The following IFT57 variants were observed in gnomAD, a reference collection of about 807,000 sequenced individuals.
IFT57 encodes the protein intraflagellar transport 57, also known as intraflagellar transport protein 57 homolog.
Under a neutral mutation model 56.8 loss-of-function variants are expected in IFT57, and 59 were observed. That is an observed-to-expected ratio of 1.04 (90% CI 0.84 to 1.29). The LOEUF is 1.29. Ranked by LOEUF, IFT57 falls within the 50% of genes most tolerant of loss-of-function variation. The pLI, the probability that IFT57 is intolerant of heterozygous loss-of-function variation, is 0.00. For missense variants in IFT57, 470 were observed against 522.1 expected (o/e 0.90, Z 0.97); for synonymous variants, 209 against 186.1 (o/e 1.12, Z -1.00).
chr3:108,192,078 A>C (rs1433997391), intron 5 of IFT57, among the ~76,000 whole-genome samples: 1 of 150,398 alleles, frequency 6.6e-6, no homozygotes, highest in Non-Finnish European at 1.5e-5. Context: ...AGGCTGAGGC[A>C]GGAGAATGGA....
intron 6 of IFT57, among the ~76,000 whole-genome samples, chr3:108,179,944 TG>T (rs2080143480): frequency 6.6e-6 from 1 of 152,040 alleles, no homozygotes; most frequent in Non-Finnish European, 1.5e-5. Flanking sequence ...GTGGTGTATT[TG>T]TTGCAGGCAA....
chr3:108,185,369 C>G (rs995032252), intron 6 of IFT57, among the ~76,000 whole-genome samples: 3 of 152,040 alleles, frequency 2.0e-5, no homozygotes, highest in African/African-American at 4.8e-5. Context: ...GTCAAGATAA[C>G]AGGAGACTCA....
chr3:108,196,255 T>C (rs916049048), intron 5 of IFT57, among the ~76,000 whole-genome samples: 1 of 152,144 alleles, frequency 6.6e-6, no homozygotes, highest in Non-Finnish European at 1.5e-5. Context: ...CAACCCTCAT[T>C]TCCACCCTCA....
intron 7 of IFT57, 105 bp from the exon 8 acceptor site, chr3:108,167,090 C>A (rs2080067537): frequency 1.0e-6 from 1 of 990,736 alleles, no homozygotes; most frequent in East Asian, 2.6e-5. Flanking sequence ...TAATCAACTA[C>A]ATGTGCAAAA....
At chr3:108,193,195 C>A (rs2080225513) in intron 5 of IFT57, among the ~76,000 whole-genome samples, 1 of 152,126 alleles carries the variant, frequency 6.6e-6, no homozygotes, top group Non-Finnish European at 1.5e-5. Flanking sequence ...TCAGATGTAA[C>A]ACTAATCAGA....
chr3:108,175,645 C>A (rs11917750), intron 6 of IFT57, among the ~76,000 whole-genome samples: 13,707 of 151,758 alleles, frequency 0.09, 691 homozygotes, highest in Middle Eastern at 0.12. Context: ...GAGGCATTTT[C>A]TTTGTCTAGA....
intron 3 of IFT57, among the ~76,000 whole-genome samples, chr3:108,215,723 T>TA (rs781614780): frequency 3.9e-5 from 6 of 152,202 alleles, no homozygotes; most frequent in African/African-American, 1.2e-4. Context: ...TTTAGATATA[T>TA]AAAAAATTCA....
chr3:108,180,085 T>A (rs1043995551), intron 6 of IFT57, among the ~76,000 whole-genome samples: 2 of 151,998 alleles, frequency 1.3e-5, no homozygotes, highest in Admixed American at 1.3e-4. Context: ...TGATAATCAC[T>A]GGTATTCTCA....
chr3:108,201,807 T>C (rs2080279517), intron 5 of IFT57, among the ~76,000 whole-genome samples: 2 of 152,200 alleles, frequency 1.3e-5, no homozygotes, highest in Admixed American at 6.5e-5. Flanking sequence ...AAAAGATCCA[T>C]CTTCTTCCTC....
intron 5 of IFT57, among the ~76,000 whole-genome samples, chr3:108,193,504 C>T (rs13319331): frequency 0.097 from 14,660 of 151,804 alleles, 771 homozygotes; most frequent in Middle Eastern, 0.12. Flanking sequence ...ATTTAGAAAA[C>T]CAGAAGTATA....
intron 6 of IFT57, among the ~76,000 whole-genome samples, chr3:108,169,536 T>C (rs544965275): frequency 1.3e-5 from 2 of 152,142 alleles, no homozygotes; most frequent in Non-Finnish European, 2.9e-5. Context: ...TTGCTTTTGG[T>C]GTTTTAGTCA....
Position 108,204,749 on chromosome 3 carries a change from T to C in IFT57, c.654+1879A>G, listed in dbSNP as rs181808509. ...TCTACACCTTGTTCAACTCTTGTTA[T>C]GAGGTAAAGCGGAAAAAGCAATAGA... On this transcript the variant is annotated intron_variant, in intron 5 of 10. Transcript: ENST00000264538. Among the ~76,000 whole-genome samples, 345 of 152,332 alleles carry C rather than the reference T, an allele frequency of 2.3e-3. 2 individuals are homozygous for C. Among genetic ancestry groups the C allele is most frequent in the South Asian group, 0.023 (109 of 4,834 alleles).
rs78098772 is a variant in IFT57, at chr3:108,213,573, T to C, written c.585+358A>G. On this transcript the variant is annotated intron_variant, in intron 4 of 10. Coordinates refer to ENST00000264538, the MANE Select transcript of IFT57 (RefSeq NM_018010.4). ...ATTCCTTAGAAATGAATGGTATGCG[T>C]ATAAAGCAGAATTTATTAATCCTAA... 4.0e-3 allele frequency among the ~76,000 whole-genome samples: 612 copies of C among 152,322 alleles called. 3 individuals are homozygous for C. The highest frequency in any genetic ancestry group is 0.014 in the African/African-American group (577 of 41,576).
chr3:108,171,809 A>G (rs1383486884), intron 6 of IFT57, among the ~76,000 whole-genome samples: 1 of 151,868 alleles, frequency 6.6e-6, no homozygotes, highest in East Asian at 1.9e-4. Context: ...TTTTTGAAAA[A>G]GTACTCATCC....
chr3:108,167,084 C>A (rs2080067479), intron 7 of IFT57, 99 bp from the exon 8 acceptor site: 1 of 1,037,100 alleles, frequency 9.6e-7, no homozygotes, highest in Non-Finnish European at 1.4e-6. Context: ...TACAAATAAT[C>A]AACTACATGT....
At chr3:108,189,827 G>A (rs1006192650) in intron 6 of IFT57, among the ~76,000 whole-genome samples, 1 of 151,970 alleles carries the variant, frequency 6.6e-6, no homozygotes, top group East Asian at 1.9e-4. Context: ...TAAACAACAC[G>A]TATTCCTTAT....
chr3:108,203,111 G>A (rs758802630), intron 5 of IFT57, among the ~76,000 whole-genome samples: 4 of 152,158 alleles, frequency 2.6e-5, no homozygotes, highest in Admixed American at 1.3e-4. Flanking sequence ...GTCAGCTTCC[G>A]CAGAGAGCCA....
intron 3 of IFT57, among the ~76,000 whole-genome samples, chr3:108,217,702 T>A (rs1190659009): frequency 6.6e-6 from 1 of 151,156 alleles, no homozygotes; most frequent in Non-Finnish European, 1.5e-5. Flanking sequence ...GTGTATATAA[T>A]CTTTCTACCG....
rs114833423 is a variant in IFT57, at chr3:108,203,852, T to A, written c.654+2776A>T. Among the ~76,000 whole-genome samples the A allele has an allele frequency of 8.6e-3, 1,311 of 152,300 alleles. 11 individuals carry two copies. The highest frequency in any genetic ancestry group is 0.028 in the African/African-American group (1,176 of 41,552). On this transcript the variant is annotated intron_variant, in intron 5 of 10. Coordinates refer to ENST00000264538, the MANE Select transcript of IFT57 (RefSeq NM_018010.4). ...GACAGAGAATGATTGGAGAAGCATC[T>A]TATTGTTTTAAAACCATAGACAGGG...
Sources: gnomAD v4.1 joint callset for allele counts (sites outside exome capture counted in the v4.1 genomes callset) on GRCh38, gnomAD v4.1.1 for gene constraint, MANE v1.5 for transcripts, NCBI Gene and HGNC (gene_info 2026-07-23, HGNC 2026-07-21) for gene names.